Variants in HDAC4 observed in about 807,000 individuals in gnomAD.
The protein encoded by HDAC4 is histone deacetylase 4, also known as histone deacetylase A.
In HDAC4, 16 loss-of-function variants were observed where a neutral mutation model predicts 135.1. The ratio of observed to expected loss-of-function variants is 0.12; its 90% CI spans 0.08 to 0.18. The LOEUF is 0.18. Ranked by LOEUF, HDAC4 falls within the 10% of genes least tolerant of loss-of-function variation. HDAC4 has a pLI of 1.00. For synonymous variants in HDAC4, 685 were observed against 653.4 expected, an observed-to-expected ratio of 1.05 and a Z score of -0.74; for missense variants, 1,143 against 1,511.8, an observed-to-expected ratio of 0.76 and a Z score of 4.05.
At chr2:239,353,411 T>A (rs899619312) in intron 1 of HDAC4, among the ~76,000 whole-genome samples, 3 of 152,236 alleles carry the variant, frequency 2.0e-5, no homozygotes, top group African/African-American at 7.2e-5. Context: ...TGTTAGTAAA[T>A]CACAGACATG....
At chr2:239,342,128 T>C (rs115896964) in intron 2 of HDAC4, among the ~76,000 whole-genome samples, 1 of 152,338 alleles carries the variant, frequency 6.6e-6, no homozygotes, top group African/African-American at 2.4e-5. Flanking sequence ...TAAGGTATTT[T>C]ATGATAGCAG....
intron 24 of HDAC4, 125 bp downstream of exon 24, chr2:239,066,597 C>G: frequency 1.6e-6 from 2 of 1,274,698 alleles, no homozygotes; most frequent in Non-Finnish European, 2.3e-6. Context: ...CAAGGCGGAG[C>G]TGCAAGCATC....
At chr2:239,159,308 TAC>T (rs1373605148) in intron 6 of HDAC4, among the ~76,000 whole-genome samples, 6 of 137,900 alleles carry the variant, frequency 4.4e-5, no homozygotes, top group East Asian at 2.3e-4. Context: ...CACGCCCAAC[TAC>T]ACTCACACCT....
At chr2:239,101,793 T>G (rs956198370) in intron 16 of HDAC4, among the ~76,000 whole-genome samples, 1 of 152,022 alleles carries the variant, frequency 6.6e-6, no homozygotes, top group Non-Finnish European at 1.5e-5. Context: ...TTCTGTGCCC[T>G]GGAAGCCCCC....
In HDAC4 at chr2:239,240,084, G is replaced by A. The variant is rs1030508088; in HGVS notation, c.23-3420C>T. ...TCATTATGAAAGGCTGGGGCTCAGG[G>A]CAGCAGCCATGATCGAGAAGCCAAA... On this transcript the variant is annotated intron_variant, in intron 2 of 26. Transcript: ENST00000543185. The surrounding 1 kb of genome is among the most constrained non-coding windows in gnomAD (Gnocchi z 4.5). 1.3e-5 allele frequency among the ~76,000 whole-genome samples: 2 copies of A among 152,278 alleles called. No homozygotes were observed. Among genetic ancestry groups the A allele is most frequent in the Non-Finnish European group, 2.9e-5 (2 of 68,050 alleles).
intron 2 of HDAC4, among the ~76,000 whole-genome samples, chr2:239,310,840 C>G (rs1294609442): frequency 2.0e-5 from 3 of 152,172 alleles, no homozygotes; most frequent in Non-Finnish European, 2.9e-5. Context: ...AGGCTTCAAC[C>G]CTTCCACTGG....
chr2:239,136,170 C>T (rs1413886039), intron 9 of HDAC4, among the ~76,000 whole-genome samples: 1 of 152,120 alleles, frequency 6.6e-6, no homozygotes, highest in Non-Finnish European at 1.5e-5. Flanking sequence ...TGGGGTTTGG[C>T]AGATAGAAAT....
rs2106377279 is a variant in HDAC4, at chr2:239,052,463, A to AG, written c.*633dup. On this transcript the variant is annotated 3_prime_UTR_variant, in exon 27 of 27. Coordinates refer to ENST00000543185, the MANE Select transcript of HDAC4 (RefSeq NM_001378414.1). ...CTTCCGATGGCTTTTGAGAAACTCA[A>AG]GCCAGCTCCCCCAGCTCACATTCCT... The AG allele has an allele frequency of 6.5e-6, 1 of 152,750 alleles. No individual in the cohort carries two copies. The highest frequency in any genetic ancestry group is 2.1e-4 in the South Asian group (1 of 4,838). 9.5% of individuals were successfully genotyped at this position (152,750 alleles called of 1,614,324 possible). A position where few individuals can be genotyped will look rare whatever the true frequency, so the allele number is the denominator to read the frequency against.
chr2:239,064,613 G>A (rs546100877), intron 24 of HDAC4, among the ~76,000 whole-genome samples: 7 of 152,198 alleles, frequency 4.6e-5, no homozygotes, highest in African/African-American at 1.7e-4. Flanking sequence ...AGGAACGTAC[G>A]GCTTCCTCGG....
At chr2:239,248,550 T>C (rs1440056101) in intron 2 of HDAC4, among the ~76,000 whole-genome samples, 1 of 152,216 alleles carries the variant, frequency 6.6e-6, no homozygotes, top group Non-Finnish European at 1.5e-5. Flanking sequence ...TAAACTATTG[T>C]TGCCATATCT....
rs900171869 is a variant in HDAC4, at chr2:239,308,203, G to A, written c.22+44475C>T. Among the ~76,000 whole-genome samples, 8 of 152,234 alleles carry A rather than the reference G, an allele frequency of 5.3e-5. No homozygotes were observed. The highest frequency in any genetic ancestry group is 1.7e-4 in the African/African-American group (7 of 41,538). On this transcript the variant is annotated intron_variant, in intron 2 of 26. Coordinates refer to ENST00000543185, the MANE Select transcript of HDAC4 (RefSeq NM_001378414.1). This position sits in a 1 kb window ranked among gnomAD's most constrained non-coding sequence, Gnocchi z 4.2. ...CAGCGTGCAGGAAGCCCTCCTTGAC[G>A]ATGAGCTATCAGCTTAGGGACAAGA...
At chr2:239,288,810 T>A (rs960363943) in intron 2 of HDAC4, among the ~76,000 whole-genome samples, 1 of 152,098 alleles carries the variant, frequency 6.6e-6, no homozygotes, top group African/African-American at 2.4e-5. Context: ...GAAGACCTGA[T>A]GGAGGGAAAG....
chr2:239,084,962 CACAT>C (rs900648675), intron 19 of HDAC4, among the ~76,000 whole-genome samples: 2 of 147,122 alleles, frequency 1.4e-5, no homozygotes, highest in Non-Finnish European at 3.0e-5. Context: ...AAACCACAGA[CACAT>C]ACAAGCACAC....
rs918983476 is a variant in HDAC4 at position 239,244,639 on chromosome 2, A to G, written c.23-7975T>C. Reference sequence around the variant, plus strand: ...AATGTCATGGCTTGGAAACAAAATGATCTACAAGGTCAGCCAAATACTCAA... The same window carrying G: ...AATGTCATGGCTTGGAAACAAAATGGTCTACAAGGTCAGCCAAATACTCAA... On this transcript the variant is annotated intron_variant, in intron 2 of 26. Coordinates refer to ENST00000543185, the MANE Select transcript of HDAC4 (RefSeq NM_001378414.1). 2.6e-5 allele frequency among the ~76,000 whole-genome samples: 4 copies of G among 152,128 alleles called. No individual in the cohort carries two copies. In the East Asian group the frequency reaches 5.8e-4, roughly 22 times the overall value.
chr2:239,092,016 AGCCGAGATCGC>A (rs1236135819), intron 17 of HDAC4: 2 of 152,126 alleles, frequency 1.3e-5, no homozygotes, highest in African/African-American at 4.8e-5. Flanking sequence ...GCTTGCAGTG[AGCCGAGATCGC>A]GCCACTGCAC....
intron 1 of HDAC4, among the ~76,000 whole-genome samples, chr2:239,376,222 T>C (rs540454143): frequency 1.5e-4 from 22 of 145,536 alleles, no homozygotes; most frequent in African/African-American, 4.7e-4. Flanking sequence ...AGGTGCTGTG[T>C]GCTCACAACC....
At chr2:239,300,853 G>A (rs2052209491) in intron 2 of HDAC4, among the ~76,000 whole-genome samples, 1 of 152,242 alleles carries the variant, frequency 6.6e-6, no homozygotes, top group Non-Finnish European at 1.5e-5. Context: ...AAAGAAGCTC[G>A]TTTTCCTCAT....
chr2:239,328,690 A>C (rs771222602), intron 2 of HDAC4, among the ~76,000 whole-genome samples: 2 of 152,168 alleles, frequency 1.3e-5, no homozygotes, highest in Non-Finnish European at 2.9e-5. Context: ...ACACATCCGA[A>C]CTGCCAGGCT....
chr2:239,209,584 A>G (rs1228618239), intron 3 of HDAC4, among the ~76,000 whole-genome samples: 1 of 152,244 alleles, frequency 6.6e-6, no homozygotes, highest in Non-Finnish European at 1.5e-5. Context: ...AGCAGACACT[A>G]TTGGAAAATA....
Sources: allele counts gnomAD v4.1 joint callset (sites outside exome capture counted in the v4.1 genomes callset), GRCh38; gene constraint gnomAD v4.1.1; non-coding constraint Gnocchi (gnomAD v3.1); transcripts MANE v1.5; gene names NCBI Gene and HGNC (gene_info 2026-07-23, HGNC 2026-07-21).